The following MTA3 variants were observed in gnomAD, a reference collection of about 807,000 sequenced individuals.
MTA3 encodes metastasis-associated protein MTA3.
In MTA3, 34 loss-of-function variants were observed where a neutral mutation model predicts 83.5. That is an observed-to-expected ratio of 0.41 (90% CI 0.31 to 0.54). The LOEUF is 0.54. MTA3 is among the 20% of genes least tolerant of loss of function. The pLI, the probability that MTA3 is intolerant of heterozygous loss-of-function variation, is 0.33. For synonymous variants in MTA3, 303 were observed against 252.7 expected (o/e 1.20, Z -1.89); for missense variants, 761 against 726.4 (o/e 1.05, Z -0.55).
intron 2 of MTA3, among the ~76,000 whole-genome samples, chr2:42,497,284 C>G (rs369281269): frequency 4.4e-4 from 67 of 151,530 alleles, no homozygotes; most frequent in African/African-American, 1.5e-3. Flanking sequence ...TAGAAATTGT[C>G]CATACAATAA....
chr2:42,684,250 T>A (rs1692182498), intron 9 of MTA3, among the ~76,000 whole-genome samples: 2 of 152,238 alleles, frequency 1.3e-5, no homozygotes, highest in South Asian at 4.1e-4. Flanking sequence ...TTATTTTAAA[T>A]TATGAAAATA....
chr2:42,714,897 C>T (rs932854820), intron 14 of MTA3, among the ~76,000 whole-genome samples: 10 of 152,264 alleles, frequency 6.6e-5, no homozygotes, highest in Admixed American at 2.0e-4. Flanking sequence ...GGAGCTCAGG[C>T]GGTAATGCTC....
intron 8 of MTA3, among the ~76,000 whole-genome samples, chr2:42,681,568 A>C (rs776323347): frequency 8.5e-5 from 13 of 152,142 alleles, no homozygotes; most frequent in Non-Finnish European, 1.5e-4. Context: ...GCTGGAGTGC[A>C]GTGGCACAGT....
At chr2:42,549,147 TG>T (rs1028668620) in intron 2 of MTA3, among the ~76,000 whole-genome samples, 2 of 139,064 alleles carry the variant, frequency 1.4e-5, no homozygotes, top group Non-Finnish European at 3.0e-5. Context: ...CACTCCAGCC[TG>T]GGCAACAAGA....
intron 4 of MTA3, among the ~76,000 whole-genome samples, chr2:42,617,502 G>T (rs1201835121): frequency 6.6e-6 from 1 of 152,120 alleles, no homozygotes. Context: ...AATGGGAAAA[G>T]GTATTATTTT....
At chr2:42,549,455 T>G (rs1264907952) in intron 2 of MTA3, among the ~76,000 whole-genome samples, 1 of 7,908 alleles carries the variant, frequency 1.3e-4, no homozygotes, top group East Asian at 1.5e-3. Context: ...ATATAATATA[T>G]TATATATACA....
Position 42,512,005 on chromosome 2 carries a change from A to G in MTA3, c.-141+16751A>G, listed in dbSNP as rs974431370. On this transcript the variant is annotated intron_variant, in intron 2 of 17. Coordinates refer to the MTA3 transcript ENST00000405592. The stretch of plus-strand genomic sequence containing the variant: ...GCACTCCAGCCTGGGCGACAGAGCG[A>G]GACTCCATCTCAAAAAAAATAAATA... 9.9e-5 allele frequency among the ~76,000 whole-genome samples: 15 copies of G among 152,192 alleles called. No individual in the cohort carries two copies. The East Asian group carries it at 2.5e-3, about 25-fold the overall frequency.
chr2:42,505,706 A>G (rs1674597908), intron 2 of MTA3, among the ~76,000 whole-genome samples: 1 of 152,160 alleles, frequency 6.6e-6, no homozygotes, highest in Non-Finnish European at 1.5e-5. Context: ...GTACTTCAGA[A>G]CAACCAAGAG....
intron 1 of MTA3, chr2:42,569,668 T>A (rs1031692094): frequency 6.6e-6 from 1 of 152,112 alleles, no homozygotes; most frequent in Non-Finnish European, 1.5e-5. Flanking sequence ...GCCTTTCGGA[T>A]AAACACACAG....
chr2:42,572,885 G>C (rs1678649240), intron 2 of MTA3, among the ~76,000 whole-genome samples: 1 of 152,020 alleles, frequency 6.6e-6, no homozygotes, highest in Admixed American at 6.6e-5. Flanking sequence ...GCGCCACCAT[G>C]CCTGGCTGTT....
At chr2:42,661,179 T>C (rs1689666418) in intron 8 of MTA3, among the ~76,000 whole-genome samples, 1 of 152,202 alleles carries the variant, frequency 6.6e-6, no homozygotes, top group Non-Finnish European at 1.5e-5. Flanking sequence ...TGTTTAGAGC[T>C]TCGAGAATAT....
chr2:42,727,778 A>G (rs1218751653), intron 16 of MTA3, among the ~76,000 whole-genome samples: 3 of 152,076 alleles, frequency 2.0e-5, no homozygotes, highest in African/African-American at 7.2e-5. Context: ...TGATCTTACG[A>G]TTGAAAATTT....
At chr2:42,582,199 A>G (rs1293810580) in intron 3 of MTA3, among the ~76,000 whole-genome samples, 2 of 152,138 alleles carry the variant, frequency 1.3e-5, no homozygotes, top group South Asian at 2.1e-4. Flanking sequence ...CTGGGACTAC[A>G]GGCGCCTGCC....
intron 9 of MTA3, among the ~76,000 whole-genome samples, chr2:42,683,621 C>T (rs934043415): frequency 6.6e-6 from 1 of 152,110 alleles, no homozygotes; most frequent in African/African-American, 2.4e-5. Context: ...CTAGACAGTC[C>T]CATCTGGGGG....
intron 8 of MTA3, among the ~76,000 whole-genome samples, chr2:42,679,455 G>A (rs983484964): frequency 7.9e-5 from 12 of 152,218 alleles, no homozygotes; most frequent in Non-Finnish European, 1.8e-4. Flanking sequence ...CTAAAGCACA[G>A]AGTGAAGCAA....
At chr2:42,613,852 A>G (rs776156671) in intron 4 of MTA3, 5 of 152,160 alleles carry the variant, frequency 3.3e-5, no homozygotes, top group African/African-American at 1.2e-4. Flanking sequence ...TTAGTGATTC[A>G]TCTCTTGTTT....
chr2:42,660,647 C>T (rs536318928), intron 8 of MTA3, among the ~76,000 whole-genome samples: 3 of 152,232 alleles, frequency 2.0e-5, no homozygotes, highest in South Asian at 4.1e-4. Flanking sequence ...CGGTAGGATG[C>T]TCATTTTACA....
At chr2:42,495,231 G>C (rs1236505006) in exon 2 of MTA3, 4 of 152,368 alleles carry the variant, frequency 2.6e-5, no homozygotes, top group Admixed American at 1.3e-4. Context: ...TGGATTCCTA[G>C]TGAAAAGGCA....
upstream of MTA3, among the ~76,000 whole-genome samples, chr2:42,494,329 C>T (rs1196967733): frequency 6.6e-6 from 1 of 152,164 alleles, no homozygotes; most frequent in Non-Finnish European, 1.5e-5. Context: ...GTCCCCAGGG[C>T]CCCTTTTAAC....
Sources: gnomAD v4.1 joint callset for allele counts (sites outside exome capture counted in the v4.1 genomes callset) on GRCh38, gnomAD v4.1.1 for gene constraint, MANE v1.5 for transcripts, NCBI Gene and HGNC (gene_info 2026-07-23, HGNC 2026-07-21) for gene names.